TXNDC11: variants seen among roughly 807,000 people sequenced by gnomAD.
The protein encoded by TXNDC11 is thioredoxin domain-containing protein 11.
TXNDC11 carries 68 observed loss-of-function variants against 78.0 expected under a neutral mutation model. The observed-to-expected ratio is 0.87, with a 90% CI of 0.72 to 1.07. The LOEUF (loss-of-function observed/expected upper bound fraction) is 1.07. Ranked by LOEUF, TXNDC11 falls within the 50% of genes least tolerant of loss-of-function variation. The pLI, the probability that TXNDC11 is intolerant of heterozygous loss-of-function variation, is 0.00. For synonymous variants in TXNDC11, 571 were observed against 495.2 expected (o/e 1.15, Z -2.03); for missense variants, 1,389 against 1,221.8 (o/e 1.14, Z -2.04).
intron 4 of TXNDC11, among the ~76,000 whole-genome samples, chr16:11,730,185 A>G (rs1260554990): frequency 1.3e-5 from 2 of 152,226 alleles, no homozygotes; most frequent in Non-Finnish European, 2.9e-5. Flanking sequence ...ACTTTCTGCA[A>G]TTAAGACCTT....
chr16:11,735,383 A>G (rs2052190013), intron 2 of TXNDC11, among the ~76,000 whole-genome samples: 1 of 152,142 alleles, frequency 6.6e-6, no homozygotes, highest in Non-Finnish European at 1.5e-5. Flanking sequence ...CCTCACCTCT[A>G]TGTTACAATC....
chr16:11,714,845 C>T (rs1380826786), intron 5 of TXNDC11, among the ~76,000 whole-genome samples: 3 of 152,164 alleles, frequency 2.0e-5, no homozygotes, highest in Non-Finnish European at 4.4e-5. Context: ...CACTATTTCC[C>T]AAAGGGAGTT....
At chr16:11,686,801 A>G (rs898634266) in intron 10 of TXNDC11, among the ~76,000 whole-genome samples, 4 of 152,158 alleles carry the variant, frequency 2.6e-5, no homozygotes, top group Admixed American at 1.3e-4. Context: ...AACCATTTTA[A>G]TTTCCGGGGA....
intron 6 of TXNDC11, among the ~76,000 whole-genome samples, chr16:11,700,134 G>A (rs1009860264): frequency 7.2e-5 from 11 of 152,142 alleles, no homozygotes; most frequent in Non-Finnish European, 1.0e-4. Flanking sequence ...CTGAAAACAC[G>A]GGCTCAGAGT....
chr16:11,714,557 G>A (rs1053059080), intron 5 of TXNDC11, among the ~76,000 whole-genome samples: 1 of 151,464 alleles, frequency 6.6e-6, no homozygotes, highest in African/African-American at 2.4e-5. Context: ...GGAAAATGGC[G>A]TGAACCCGGG....
chr16:11,692,297 G>T, intron 7 of TXNDC11: 1 of 492,888 alleles, frequency 2.0e-6, no homozygotes, highest in South Asian at 3.8e-5. Context: ...CAAAAACTGC[G>T]AGCCATCCCT....
chr16:11,705,489 G>A (rs1055007440), intron 5 of TXNDC11, among the ~76,000 whole-genome samples: 1 of 152,100 alleles, frequency 6.6e-6, no homozygotes, highest in Non-Finnish European at 1.5e-5. Context: ...GACAGTCACA[G>A]TTAAAAGAAG....
rs561760763 is a variant in TXNDC11, at chr16:11,679,578, G to C, written c.2494C>G (p.Arg832Gly). The C allele has an allele frequency of 6.2e-7, 1 of 1,614,004 alleles. No homozygotes were observed. The highest frequency in any genetic ancestry group is 1.7e-5 in the Admixed American group (1 of 60,024). ...VQVESQLSSA[R>G]RDEHRLRQQQ... ...TGCCGCAGCCGGTGCTCATCTCTGCGGGCACTGGAGAGCTGGGACTCCACC... is the reference window on the plus strand; with the variant it reads ...TGCCGCAGCCGGTGCTCATCTCTGCCGGCACTGGAGAGCTGGGACTCCACC... Residue 832 changes from arginine to glycine, a missense_variant, in exon 12 of 12, where the codon CGC becomes GGC. Arg to Gly is a moderately radical substitution (Grantham distance 125). Transcript: ENST00000283033. The surrounding 1 kb of genome is among the most constrained non-coding windows in gnomAD (Gnocchi z 4.6).
rs762033961 is a variant in TXNDC11 at position 11,679,617 on chromosome 16, G to A, written c.2455C>T (p.Arg819Ter). The A allele has an allele frequency of 1.2e-5, 19 of 1,614,030 alleles. No homozygotes were observed. The highest frequency in any genetic ancestry group is 1.0e-4 in the Admixed American group (6 of 60,002). The change falls in exon 12 of 12, where the codon CGA becomes TGA. Residue 819 changes from arginine to a stop codon, truncating the protein, a stop_gained. Coordinates refer to ENST00000283033, the MANE Select transcript of TXNDC11 (RefSeq NM_015914.7). LOFTEE classifies it low-confidence loss of function (END_TRUNC). The surrounding 1 kb of genome is among the most constrained non-coding windows in gnomAD (Gnocchi z 4.6). ...KLRAEISSLQ[R>*]AQVQVESQLS... ...TGGGACTCCACCTGCACTTGTGCTC[G>A]CTGGAGGCTGCTTATTTCTGCTCTC...
chr16:11,691,058 T>A (rs1001134312), intron 8 of TXNDC11: 1 of 541,678 alleles, frequency 1.8e-6, no homozygotes, highest in South Asian at 2.3e-5. Context: ...ACCCCCACCA[T>A]GGGCTAAATG....
Position 11,691,925 on chromosome 16 carries a change from G to C in TXNDC11, c.1265C>G (p.Pro422Arg), listed in dbSNP as rs757262332. 1.9e-6 allele frequency: 3 copies of C among 1,612,926 alleles called. No individual in the cohort carries two copies. Among genetic ancestry groups the C allele is most frequent in the Admixed American group, 1.7e-5 (1 of 60,030 alleles). ...GGGCAGCACCACAGTGTTGCAGCAG[G>C]GGGACGCTGTGATCGTTGGCGGGTC... ...LPDPPTITAS[P>R]CCNTVVLPQW... The change falls in exon 8 of 12, where the codon CCC becomes CGC. Residue 422 changes from proline to arginine, a missense_variant. Transcript: ENST00000283033.
chr16:11,742,563 G>A lies in TXNDC11; in HGVS notation c.168C>T (p.Phe56=), dbSNP rs1238071092. The A allele has an allele frequency of 2.1e-6, 3 of 1,457,208 alleles. No individual in the cohort carries two copies. The highest frequency in any genetic ancestry group is 2.7e-6 in the Non-Finnish European group (3 of 1,111,144). 90.3% of individuals were successfully genotyped at this position (1,457,208 alleles called of 1,614,324 possible). A position where few individuals can be genotyped will look rare whatever the true frequency, so the allele number is the denominator to read the frequency against. ...GRLRRGLRGA[F]LMARQRPELL... is the part of the protein sequence containing the mutation. ...GCTCCGGCCGCTGGCGCGCCATGAG[G>A]AAGGCGCCACGCAGCCCGCGACGGA... Residue 56 remains phenylalanine (F), a synonymous_variant, in exon 1 of 12, where the codon TTC becomes TTT. Coordinates refer to ENST00000283033, the MANE Select transcript of TXNDC11 (RefSeq NM_015914.7).
At chr16:11,703,371 T>C (rs1289793587) in intron 5 of TXNDC11, among the ~76,000 whole-genome samples, 2 of 152,210 alleles carry the variant, frequency 1.3e-5, no homozygotes, top group Non-Finnish European at 2.9e-5. Context: ...TTCTTTGTGG[T>C]AAGTACATTA....
chr16:11,716,297 C>T (rs1214696956), intron 5 of TXNDC11, among the ~76,000 whole-genome samples: 2 of 152,164 alleles, frequency 1.3e-5, no homozygotes, highest in African/African-American at 2.4e-5. Context: ...CAGAGTATGA[C>T]AAAATGTTAC....
intron 7 of TXNDC11, 154 bp from the exon 8 acceptor site, chr16:11,692,236 A>C (rs920922592): frequency 3.1e-6 from 2 of 655,462 alleles, no homozygotes; most frequent in Non-Finnish European, 5.1e-6. Flanking sequence ...ACAAGTCGTA[A>C]GTTTTAAACT....
chr16:11,709,256 A>ATTTTTTTT (rs1555486409), intron 5 of TXNDC11, among the ~76,000 whole-genome samples: 2 of 99,462 alleles, frequency 2.0e-5, no homozygotes, highest in East Asian at 2.6e-4. Flanking sequence ...ATAAGCTGTG[A>ATTTTTTTT]TTCTTTTTTT....
At chr16:11,718,051 C>A (rs569062830) in intron 5 of TXNDC11, among the ~76,000 whole-genome samples, 34 of 152,234 alleles carry the variant, frequency 2.2e-4, no homozygotes, top group African/African-American at 7.9e-4. Flanking sequence ...AAATGTTTGA[C>A]AAGTTGCGTT....
chr16:11,731,003 C>G (rs902676627), intron 3 of TXNDC11, among the ~76,000 whole-genome samples: 8 of 152,058 alleles, frequency 5.3e-5, no homozygotes, highest in Non-Finnish European at 7.4e-5. Flanking sequence ...CTTCTATGAT[C>G]TTGAATTCAA....
intron 5 of TXNDC11, among the ~76,000 whole-genome samples, chr16:11,719,754 A>C (rs1367831969): frequency 6.6e-6 from 1 of 152,218 alleles, no homozygotes; most frequent in Non-Finnish European, 1.5e-5. Flanking sequence ...AGTCTAGGGA[A>C]AAAGACATTA....
Sources: gnomAD v4.1 joint callset for allele counts (sites outside exome capture counted in the v4.1 genomes callset) on GRCh38, gnomAD v4.1.1 for gene constraint, Gnocchi (gnomAD v3.1) non-coding constraint, MANE v1.5 for transcripts, NCBI Gene and HGNC (gene_info 2026-07-23, HGNC 2026-07-21) for gene names.